The following RAB38 variants were observed in gnomAD, a reference collection of about 807,000 sequenced individuals.
The protein encoded by RAB38 is RAB38, member RAS oncogene family.
A neutral mutation model predicts 18.4 loss-of-function variants in RAB38; 15 were observed. That is an observed-to-expected ratio of 0.82 (90% confidence interval 0.55 to 1.26). The LOEUF (loss-of-function observed/expected upper bound fraction) is 1.26, where lower values mean the gene tolerates loss of function less well. Ranked by LOEUF, RAB38 falls within the 50% of genes most tolerant of loss-of-function variation. The pLI, the probability that RAB38 is intolerant of heterozygous loss-of-function variation, is 0.00. For synonymous variants in RAB38, 101 were observed against 104.4 expected (o/e 0.97, Z 0.20); for missense variants, 294 against 267.4 (o/e 1.10, Z -0.69).
chr11:88,013,803 G>C, the RAB38 span, among the ~76,000 whole-genome samples: 1 of 152,118 alleles, frequency 6.6e-6, no homozygotes, highest in Non-Finnish European at 1.5e-5. Context: ...GAATGAAATG[G>C]CTATTTTTCA....
At chr11:87,920,417 G>T in the RAB38 span, among the ~76,000 whole-genome samples, 3 of 151,920 alleles carry the variant, frequency 2.0e-5, no homozygotes, top group African/African-American at 4.8e-5. Context: ...GGAACACATT[G>T]TTCAATTTTC....
At chr11:88,148,771 A>ATCATGATATTTG (rs1297996968) in intron 2 of RAB38, among the ~76,000 whole-genome samples, 9 of 152,226 alleles carry the variant, frequency 5.9e-5, no homozygotes, top group Non-Finnish European at 1.2e-4. Context: ...ATTTGAATAA[A>ATCATGATATTTG]AGTGGAAAAA....
the RAB38 span, among the ~76,000 whole-genome samples, chr11:87,971,839 T>C: frequency 6.6e-6 from 1 of 152,068 alleles, no homozygotes; most frequent in Non-Finnish European, 1.5e-5. Context: ...AACAATAATG[T>C]TGTTTTTGCT....
the RAB38 span, among the ~76,000 whole-genome samples, chr11:87,860,505 G>A: frequency 6.6e-6 from 1 of 151,902 alleles, no homozygotes; most frequent in African/African-American, 2.4e-5. Flanking sequence ...ATAAGATAAA[G>A]TGAGATATTT....
the RAB38 span, among the ~76,000 whole-genome samples, chr11:87,939,261 A>T: frequency 6.6e-6 from 1 of 152,044 alleles, no homozygotes; most frequent in African/African-American, 2.4e-5. Flanking sequence ...ATCCAGAGTT[A>T]TGGGTAGATA....
Position 88,121,607 on chromosome 11 carries a change from G to A in RAB38, c.484-7467C>T, listed in dbSNP as rs188512891. 3.4e-3 allele frequency among the ~76,000 whole-genome samples: 524 copies of A among 151,978 alleles called. 2 individuals are homozygous for A. Among genetic ancestry groups the A allele is most frequent in the African/African-American group, 0.012 (487 of 41,448 alleles). ...AGACGGAGCCTCGCTCTGTCGCCCA[G>A]GCTGGAGTGCAGTGGCACAATCTTG... On this transcript the variant is annotated intron_variant, in intron 2 of 2. Transcript: ENST00000243662.
the RAB38 span, among the ~76,000 whole-genome samples, chr11:88,013,654 C>G: frequency 6.6e-6 from 1 of 152,046 alleles, no homozygotes; most frequent in Admixed American, 6.6e-5. Flanking sequence ...CAAAGAAGGA[C>G]TCATCAGCAG....
At chr11:88,035,150 T>C in the RAB38 span, among the ~76,000 whole-genome samples, 3 of 152,208 alleles carry the variant, frequency 2.0e-5, no homozygotes, top group African/African-American at 7.2e-5. Context: ...GACTTTTGCT[T>C]ATTTATTTTT....
chr11:88,064,296 A>G, the RAB38 span, among the ~76,000 whole-genome samples: 1 of 152,238 alleles, frequency 6.6e-6, no homozygotes, highest in Non-Finnish European at 1.5e-5. Context: ...CTCTTACTGG[A>G]CAAACAGGAA....
the RAB38 span, among the ~76,000 whole-genome samples, chr11:88,015,499 T>C: frequency 6.6e-6 from 1 of 152,148 alleles, no homozygotes; most frequent in Non-Finnish European, 1.5e-5. Context: ...TATCACATAA[T>C]AAGTGATCGA....
At chr11:88,024,485 T>G in the RAB38 span, among the ~76,000 whole-genome samples, 2 of 152,118 alleles carry the variant, frequency 1.3e-5, no homozygotes, top group East Asian at 3.9e-4. Flanking sequence ...AGGTTCCTCA[T>G]AAAACTGAAA....
At chr11:87,818,552 C>G in the RAB38 span, among the ~76,000 whole-genome samples, 1 of 152,072 alleles carries the variant, frequency 6.6e-6, no homozygotes, top group Admixed American at 6.6e-5. Context: ...AGAGCATAGG[C>G]TTGACACATG....
At chr11:88,119,297 C>G (rs1302796137) in intron 2 of RAB38, among the ~76,000 whole-genome samples, 1 of 151,830 alleles carries the variant, frequency 6.6e-6, no homozygotes, top group East Asian at 1.9e-4. Context: ...CACAATATTC[C>G]CATATAACAA....
At chr11:88,016,470 A>G in the RAB38 span, among the ~76,000 whole-genome samples, 2 of 152,248 alleles carry the variant, frequency 1.3e-5, no homozygotes, top group Non-Finnish European at 2.9e-5. Context: ...GTGAAAGGAA[A>G]CATCTTCTGA....
chr11:87,976,107 T>C, the RAB38 span, among the ~76,000 whole-genome samples: 2 of 148,680 alleles, frequency 1.3e-5, no homozygotes, highest in African/African-American at 2.4e-5. Flanking sequence ...TGTACATATA[T>C]GTGTGCGTGT....
At chr11:87,865,463 G>A in the RAB38 span, among the ~76,000 whole-genome samples, 11 of 151,652 alleles carry the variant, frequency 7.3e-5, no homozygotes, top group East Asian at 7.8e-4. Context: ...TGGCTCATGC[G>A]TACCTAGAAG....
At chr11:87,875,494 G>A in the RAB38 span, among the ~76,000 whole-genome samples, 1 of 151,204 alleles carries the variant, frequency 6.6e-6, no homozygotes, top group Admixed American at 6.6e-5. Context: ...TTAGATTTAG[G>A]GTATCAATTC....
At chr11:87,898,508 C>T in the RAB38 span, among the ~76,000 whole-genome samples, 1 of 151,746 alleles carries the variant, frequency 6.6e-6, no homozygotes, top group East Asian at 2.0e-4. Context: ...CTGTGGATTC[C>T]ACAACAGCAG....
In RAB38 at chr11:88,138,347, C is replaced by T. The variant is rs59040874; in HGVS notation, c.483+11328G>A. 6.6e-5 allele frequency among the ~76,000 whole-genome samples: 10 copies of T among 152,038 alleles called. No homozygotes were observed. In the South Asian group the frequency reaches 8.3e-4, roughly 13 times the overall value. ...TTTTCATACCTAATGATATAAACCA[C>T]GATTTTTGTCATGATTCAACCAAAA... is the stretch of plus-strand genomic sequence containing the variant. On this transcript the variant is annotated intron_variant, in intron 2 of 2. Coordinates refer to ENST00000243662, the MANE Select transcript of RAB38 (RefSeq NM_022337.3).
Sources: allele counts gnomAD v4.1 joint callset (sites outside exome capture counted in the v4.1 genomes callset), GRCh38; gene constraint gnomAD v4.1.1; transcripts MANE v1.5; gene names NCBI Gene and HGNC (gene_info 2026-07-23, HGNC 2026-07-21).